MYH15: variants seen among roughly 807,000 people sequenced by gnomAD.
MYH15 encodes myosin heavy chain 15.
In MYH15, 227 loss-of-function variants were observed where a neutral mutation model predicts 240.5. The observed-to-expected ratio is 0.94, with a 90% CI of 0.85 to 1.05. The LOEUF (loss-of-function observed/expected upper bound fraction) is 1.05, where lower values mean the gene tolerates loss of function less well. MYH15 is among the 50% of genes least tolerant of loss of function. MYH15 has a pLI of 0.00. For synonymous variants in MYH15, 785 were observed against 796.7 expected (o/e 0.99, Z 0.25); for missense variants, 2,217 against 2,247.5 (o/e 0.99, Z 0.27).
chr3:108,485,854 T>C (rs1044473875), intron 10 of MYH15, among the ~76,000 whole-genome samples: 2 of 152,186 alleles, frequency 1.3e-5, no homozygotes, highest in African/African-American at 4.8e-5. Flanking sequence ...ATAAGGTGAA[T>C]CTGATATACA....
chr3:108,453,023 T>C (rs1380676381), intron 21 of MYH15, among the ~76,000 whole-genome samples: 1 of 152,212 alleles, frequency 6.6e-6, no homozygotes, highest in Middle Eastern at 3.2e-3. Flanking sequence ...TGAGTATGCA[T>C]TATAGTATTT....
chr3:108,543,746 T>C, the MYH15 span: 1 of 152,266 alleles, frequency 6.6e-6, no homozygotes, highest in Non-Finnish European at 1.5e-5. Flanking sequence ...TGATAGGCAA[T>C]GGTGGTGTGC....
chr3:108,423,678 C>G (rs898993196), intron 27 of MYH15, among the ~76,000 whole-genome samples: 1 of 152,172 alleles, frequency 6.6e-6, no homozygotes, highest in African/African-American at 2.4e-5. Context: ...GTTCAGATTG[C>G]CTCTTTCTAC....
At chr3:108,464,954 A>G (rs1576250321) in intron 14 of MYH15, 140 bp from the exon 15 acceptor site, 1 of 694,930 alleles carries the variant, frequency 1.4e-6, no homozygotes, top group South Asian at 2.4e-5. Context: ...GCAATCATCC[A>G]TTCAACAAAT....
At chr3:108,495,729 C>T in intron 7 of MYH15, 51 bp downstream of exon 7, 6 of 1,419,170 alleles carry the variant, frequency 4.2e-6, no homozygotes, top group South Asian at 2.5e-5. Context: ...TAAGTTTTAC[C>T]ATTGCTTACA....
chr3:108,401,408 A>C (rs534160351), intron 33 of MYH15, among the ~76,000 whole-genome samples: 2 of 152,264 alleles, frequency 1.3e-5, no homozygotes, highest in Admixed American at 1.3e-4. Context: ...TCATCAGGAG[A>C]AACCAAACCT....
intron 18 of MYH15, 100 bp from the exon 19 acceptor site, chr3:108,456,983 G>C: frequency 2.4e-6 from 2 of 823,412 alleles, no homozygotes; most frequent in Non-Finnish European, 4.0e-6. Flanking sequence ...AAGAAAGTCT[G>C]AATTGGATAG....
At position 108,496,065 on chromosome 3, in the gene MYH15, T is replaced by C. The variant is rs1388154551; in HGVS notation, c.619-193A>G. 2.0e-5 allele frequency among the ~76,000 whole-genome samples: 3 copies of C among 152,212 alleles called. No individual in the cohort carries two copies. In the East Asian group the frequency reaches 5.8e-4, roughly 29 times the overall value. On this transcript the variant is annotated intron_variant, in intron 6 of 40. Coordinates refer to ENST00000693548, the MANE Select transcript of MYH15 (RefSeq NM_014981.3). Reference sequence around the variant, plus strand: ...AGTTGGATGACAGAGGCTAACAATATACAATACCCCTATGAATATGTGGGA... The same window carrying C: ...AGTTGGATGACAGAGGCTAACAATACACAATACCCCTATGAATATGTGGGA...
intron 9 of MYH15, among the ~76,000 whole-genome samples, chr3:108,488,253 G>A (rs574710495): frequency 6.6e-6 from 1 of 152,138 alleles, no homozygotes; most frequent in East Asian, 1.9e-4. Context: ...ATTTCATTTA[G>A]CATAATGTCC....
chr3:108,399,658 A>ATT (rs2082489499), intron 33 of MYH15, among the ~76,000 whole-genome samples: 3 of 152,198 alleles, frequency 2.0e-5, no homozygotes, highest in Admixed American at 2.0e-4. Flanking sequence ...CAGCCGTAAT[A>ATT]TTTCAACTAC....
intron 32 of MYH15, 148 bp downstream of exon 32, chr3:108,408,132 T>C (rs2082559926): frequency 1.1e-6 from 1 of 879,470 alleles, no homozygotes; most frequent in Non-Finnish European, 1.7e-6. Flanking sequence ...ACGGTGATTA[T>C]ATTAAAATTA....
chr3:108,433,748 T>C (rs574326276), intron 25 of MYH15, among the ~76,000 whole-genome samples: 1 of 152,222 alleles, frequency 6.6e-6, no homozygotes, highest in South Asian at 2.1e-4. Context: ...CTCCTTGTCT[T>C]CTGCCATGAC....
chr3:108,394,261 A>G, intron 35 of MYH15, 105 bp from the exon 36 acceptor site: 1 of 1,432,834 alleles, frequency 7.0e-7, no homozygotes, highest in Non-Finnish European at 9.6e-7. Context: ...CCAGAAGCAA[A>G]TTTTATTATA....
chr3:108,518,904 C>T (rs1446930277), intron 1 of MYH15, among the ~76,000 whole-genome samples: 1 of 152,180 alleles, frequency 6.6e-6, no homozygotes, highest in Non-Finnish European at 1.5e-5. Flanking sequence ...TGCCCATCTT[C>T]CTAATGAAAC....
At position 108,410,584 on chromosome 3, in the gene MYH15, T is replaced by C. The variant is rs763839408; in HGVS notation, c.4494A>G (p.Gln1498=). Residue 1498 remains glutamine (Q), a splice_region_variant and synonymous_variant, in exon 31 of 41, where the codon CAA becomes CAG. Coordinates refer to ENST00000693548, the MANE Select transcript of MYH15 (RefSeq NM_014981.3). ...GGCTCTGAGCCCAGCTCGGTGTACCTTGGAGGTTCTTGTTCTCCCTCCTGA... is the reference window on the plus strand; with the variant it reads ...GGCTCTGAGCCCAGCTCGGTGTACCCTGGAGGTTCTTGTTCTCCCTCCTGA... ...ETLRRENKNL[Q]EEISNLTNQV... 5.0e-6 allele frequency: 8 copies of C among 1,586,004 alleles called. No homozygotes were observed. Among genetic ancestry groups the C allele is most frequent in the African/African-American group, 2.7e-5 (2 of 74,338 alleles).
At chr3:108,412,352 T>C (rs986215113) in intron 30 of MYH15, among the ~76,000 whole-genome samples, 6 of 152,216 alleles carry the variant, frequency 3.9e-5, no homozygotes, top group Non-Finnish European at 4.4e-5. Context: ...CCTGCCACCA[T>C]GTGAAGAAGG....
At chr3:108,434,027 T>C (rs1448088642) in intron 25 of MYH15, among the ~76,000 whole-genome samples, 2 of 151,980 alleles carry the variant, frequency 1.3e-5, no homozygotes, top group Non-Finnish European at 2.9e-5. Context: ...TCACATACAT[T>C]TGCATGTATA....
intron 8 of MYH15, 95 bp downstream of exon 8, chr3:108,493,019 A>ATAAAAG: frequency 2.2e-6 from 2 of 907,380 alleles, no homozygotes; most frequent in Non-Finnish European, 1.7e-6. Context: ...GAAAGAAAGA[A>ATAAAAG]GAAAAGGAAG....
intron 37 of MYH15, among the ~76,000 whole-genome samples, chr3:108,390,585 T>C (rs1055461907): frequency 3.3e-5 from 5 of 152,230 alleles, no homozygotes; most frequent in Admixed American, 3.3e-4. Context: ...TGTTGGTATT[T>C]TGAAGTTATA....
Sources: allele counts gnomAD v4.1 joint callset (sites outside exome capture counted in the v4.1 genomes callset), GRCh38; gene constraint gnomAD v4.1.1; transcripts MANE v1.5; gene names NCBI Gene and HGNC (gene_info 2026-07-23, HGNC 2026-07-21).